Variants in KANK1 observed in about 807,000 individuals in gnomAD.
KANK1 encodes KN motif and ankyrin repeat domain-containing protein 1.
In KANK1, 109 loss-of-function variants were observed where a neutral mutation model predicts 106.2. The observed-to-expected ratio is 1.03, with a 90% confidence interval of 0.88 to 1.20. KANK1 has a LOEUF of 1.20. KANK1 is among the 50% of genes most tolerant of loss of function. KANK1 has a pLI of 0.00. For missense variants in KANK1, 2,399 were observed against 1,710.7 expected (o/e 1.40, Z -7.10); for synonymous variants, 873 against 652.2 (o/e 1.34, Z -5.16).
chr9:556,112 A>C (rs1352954574), intron 1 of KANK1, among the ~76,000 whole-genome samples: 1 of 152,174 alleles, frequency 6.6e-6, no homozygotes, highest in Non-Finnish European at 1.5e-5. Flanking sequence ...TTGGGGGGAA[A>C]ATACCCAAAG....
At chr9:473,527 C>T (rs1345200757) in intron 3 of KANK1, among the ~76,000 whole-genome samples, 1 of 152,086 alleles carries the variant, frequency 6.6e-6, no homozygotes, top group African/African-American at 2.4e-5. Flanking sequence ...TAGAGTTATC[C>T]TACAATGAGG....
intron 3 of KANK1, among the ~76,000 whole-genome samples, chr9:722,173 T>C (rs897607336): frequency 6.6e-6 from 1 of 152,248 alleles, no homozygotes; most frequent in East Asian, 1.9e-4. Flanking sequence ...AGGATGATAA[T>C]AGCCCTTCCC....
At chr9:699,907 G>T (rs555207362) in intron 2 of KANK1, among the ~76,000 whole-genome samples, 3 of 152,248 alleles carry the variant, frequency 2.0e-5, no homozygotes, top group African/African-American at 7.2e-5. Context: ...GCTTGAGCTG[G>T]GGAGTTCAAG....
chr9:568,730 C>G (rs1013146984), intron 1 of KANK1, among the ~76,000 whole-genome samples: 1 of 152,140 alleles, frequency 6.6e-6, no homozygotes, highest in Non-Finnish European at 1.5e-5. Flanking sequence ...TGGCCTCCCA[C>G]CTTAACCTCC....
At chr9:738,627 TC>T in intron 8 of KANK1, 123 bp downstream of exon 8, 1 of 754,010 alleles carries the variant, frequency 1.3e-6, no homozygotes, top group Non-Finnish European at 2.2e-6. Flanking sequence ...TTATTGCTTT[TC>T]CACATGACAT....
chr9:472,467 C>A (rs989441761), intron 2 of KANK1, among the ~76,000 whole-genome samples: 1 of 151,830 alleles, frequency 6.6e-6, no homozygotes, highest in Non-Finnish European at 1.5e-5. Flanking sequence ...CCAGTTGCTG[C>A]AAATGCTGAA....
intron 3 of KANK1, among the ~76,000 whole-genome samples, chr9:716,941 C>CCA (rs1258688673): frequency 6.6e-6 from 1 of 151,560 alleles, no homozygotes; most frequent in Non-Finnish European, 1.5e-5. Context: ...TGTGATCACA[C>CCA]CACTACACTC....
chr9:486,825 T>C (rs1035282802), intron 3 of KANK1, among the ~76,000 whole-genome samples: 2 of 152,224 alleles, frequency 1.3e-5, no homozygotes, highest in African/African-American at 4.8e-5. Context: ...CAAGTAGTCA[T>C]AAACTTCTGT....
At chr9:724,932 T>A (rs1474863564) in intron 3 of KANK1, among the ~76,000 whole-genome samples, 1 of 152,250 alleles carries the variant, frequency 6.6e-6, no homozygotes, top group Non-Finnish European at 1.5e-5. Context: ...CTGCTTTATC[T>A]ACTTTGCTTA....
chr9:549,530 T>A (rs1298556096), intron 1 of KANK1: 1 of 152,246 alleles, frequency 6.6e-6, no homozygotes, highest in Non-Finnish European at 1.5e-5. Context: ...TAGCAGTCCT[T>A]AGGGAGGACA....
intron 1 of KANK1, among the ~76,000 whole-genome samples, chr9:567,160 C>T (rs1167547974): frequency 9.2e-5 from 14 of 152,004 alleles, no homozygotes; most frequent in African/African-American, 3.1e-4. Flanking sequence ...TGTAGGTATG[C>T]GGCCTTATTT....
intron 1 of KANK1, among the ~76,000 whole-genome samples, chr9:563,404 C>T (rs559841631): frequency 6.6e-6 from 1 of 152,136 alleles, no homozygotes; most frequent in Non-Finnish European, 1.5e-5. Flanking sequence ...GAGTGATAGT[C>T]TGTGTCAGTT....
chr9:726,194 C>CTA (rs60258495), intron 3 of KANK1, among the ~76,000 whole-genome samples: 11,323 of 151,806 alleles, frequency 0.075, 980 homozygotes, highest in African/African-American at 0.2. Context: ...TTCTGGTGTG[C>CTA]TAGGGCAGGC....
chr9:554,836 A>C (rs532216914), intron 1 of KANK1, among the ~76,000 whole-genome samples: 19 of 152,208 alleles, frequency 1.2e-4, no homozygotes, highest in African/African-American at 4.3e-4. Flanking sequence ...TACTAGAACG[A>C]TGTGAAAATT....
At chr9:548,251 A>G (rs1046806294) in intron 1 of KANK1, among the ~76,000 whole-genome samples, 1 of 152,194 alleles carries the variant, frequency 6.6e-6, no homozygotes, top group Non-Finnish European at 1.5e-5. Flanking sequence ...CTTCAGTAAA[A>G]GTGGTTACAA....
intron 1 of KANK1, among the ~76,000 whole-genome samples, chr9:553,521 C>A (rs1030129133): frequency 6.6e-6 from 1 of 152,182 alleles, no homozygotes; most frequent in Non-Finnish European, 1.5e-5. Flanking sequence ...CCTTGATCTT[C>A]CGCACCCTGT....
chr9:599,883 G>C (rs776208966), intron 1 of KANK1, among the ~76,000 whole-genome samples: 7 of 151,738 alleles, frequency 4.6e-5, no homozygotes, highest in Non-Finnish European at 8.8e-5. Context: ...TTTGTTTAAG[G>C]CTTTATTTTA....
chr9:526,617 A>G (rs2059803748), intron 1 of KANK1, among the ~76,000 whole-genome samples: 1 of 151,824 alleles, frequency 6.6e-6, no homozygotes, highest in Non-Finnish European at 1.5e-5. Flanking sequence ...GTGTCTTCTC[A>G]TACTTCAAAA....
intron 7 of KANK1, 151 bp from the exon 8 acceptor site, chr9:738,134 T>G (rs188350000): frequency 3.1e-6 from 2 of 637,742 alleles, no homozygotes; most frequent in South Asian, 4.0e-5. Flanking sequence ...GTTTGGTGTT[T>G]GAAGCTTCTC....
Sources: allele counts gnomAD v4.1 joint callset (sites outside exome capture counted in the v4.1 genomes callset), GRCh38; gene constraint gnomAD v4.1.1; transcripts MANE v1.5; gene names NCBI Gene and HGNC (gene_info 2026-07-23, HGNC 2026-07-21).